RAB7A: variants seen among roughly 807,000 people sequenced by gnomAD.
The protein encoded by RAB7A is ras-related protein Rab-7a.
RAB7A carries 2 observed loss-of-function variants against 24.5 expected under a neutral mutation model. The observed-to-expected ratio is 0.08, with a 90% confidence interval of 0.03 to 0.26. The LOEUF (loss-of-function observed/expected upper bound fraction) is 0.26. Ranked by LOEUF, RAB7A falls within the 10% of genes least tolerant of loss-of-function variation. RAB7A has a pLI of 1.00. For missense variants in RAB7A, 118 were observed against 255.7 expected, an observed-to-expected ratio of 0.46 and a Z score of 3.67; for synonymous variants, 100 against 95.9, an observed-to-expected ratio of 1.04 and a Z score of -0.25.
At chr3:128,745,706 A>G (rs1013655975) in intron 1 of RAB7A, among the ~76,000 whole-genome samples, 5 of 152,246 alleles carry the variant, frequency 3.3e-5, no homozygotes, top group African/African-American at 1.2e-4. Flanking sequence ...AGAGCAGGGA[A>G]GGGGAGAAGT....
At chr3:128,778,604 GT>G (rs1247210902) in intron 1 of RAB7A, among the ~76,000 whole-genome samples, 1 of 152,196 alleles carries the variant, frequency 6.6e-6, no homozygotes, top group Non-Finnish European at 1.5e-5. Context: ...AACTGAGAAA[GT>G]TTTTGGAGTT....
intron 1 of RAB7A, among the ~76,000 whole-genome samples, chr3:128,767,084 A>C (rs2070839027): frequency 6.6e-6 from 1 of 151,968 alleles, no homozygotes; most frequent in Non-Finnish European, 1.5e-5. Flanking sequence ...CTTCATGCCT[A>C]GTGCCTGATC....
At chr3:128,789,545 CTGGTCTCGAACTCT>C (rs1559793257) in intron 1 of RAB7A, among the ~76,000 whole-genome samples, 1 of 151,956 alleles carries the variant, frequency 6.6e-6, no homozygotes, top group Non-Finnish European at 1.5e-5. Context: ...GTTGGCCAGG[CTGGTCTCGAACTCT>C]TGACCTCAAG....
intron 3 of RAB7A, among the ~76,000 whole-genome samples, chr3:128,805,585 T>G (rs1031025384): frequency 6.6e-6 from 1 of 152,198 alleles, no homozygotes; most frequent in Non-Finnish European, 1.5e-5. Context: ...AGTTTTTCAT[T>G]TGTTTTGTTT....
intron 1 of RAB7A, among the ~76,000 whole-genome samples, chr3:128,736,108 G>A (rs1471965054): frequency 1.7e-4 from 26 of 151,710 alleles, no homozygotes. Context: ...TTTCATAGAG[G>A]TTGTTACCTT....
chr3:128,790,184 C>CTTA (rs1933426929), intron 1 of RAB7A, among the ~76,000 whole-genome samples: 1 of 152,198 alleles, frequency 6.6e-6, no homozygotes, highest in African/African-American at 2.4e-5. Context: ...CAGTTTAAAG[C>CTTA]CATCAATGTC....
intron 1 of RAB7A, among the ~76,000 whole-genome samples, chr3:128,793,679 G>A (rs139818374): frequency 0.012 from 1,818 of 152,284 alleles, 33 homozygotes; most frequent in African/African-American, 0.039. Context: ...GGGGAATAGT[G>A]GGGCTCCACA....
intron 1 of RAB7A, chr3:128,764,542 A>T: frequency 1.8e-6 from 2 of 1,126,910 alleles, no homozygotes; most frequent in Non-Finnish European, 2.7e-6. Context: ...GGGGGCTCCC[A>T]TCTTGTGCAA....
chr3:128,731,317 T>C (rs76193577), intron 1 of RAB7A, among the ~76,000 whole-genome samples: 2,096 of 152,298 alleles, frequency 0.014, 45 homozygotes, highest in African/African-American at 0.048. Flanking sequence ...ATATGTGGTA[T>C]TCAGTCAGCC....
At chr3:128,758,830 C>T (rs1015670918) in intron 1 of RAB7A, among the ~76,000 whole-genome samples, 1 of 152,068 alleles carries the variant, frequency 6.6e-6, no homozygotes, top group African/African-American at 2.4e-5. Flanking sequence ...GGCCATCCCA[C>T]GAATAGCTGT....
intron 1 of RAB7A, among the ~76,000 whole-genome samples, chr3:128,773,890 C>T (rs1010611788): frequency 3.5e-4 from 53 of 151,842 alleles, no homozygotes; most frequent in African/African-American, 1.1e-3. Flanking sequence ...CAGCATGCTC[C>T]TTAAGAGTCA....
At chr3:128,764,522 A>T in intron 1 of RAB7A, 1 of 875,274 alleles carries the variant, frequency 1.1e-6, no homozygotes, top group Admixed American at 1.7e-5. Flanking sequence ...TATTCTGCCA[A>T]GCCAGATTCG....
intron 1 of RAB7A, among the ~76,000 whole-genome samples, chr3:128,753,539 C>A (rs887806382): frequency 2.0e-5 from 3 of 152,102 alleles, no homozygotes; most frequent in Non-Finnish European, 4.4e-5. Flanking sequence ...GCTGCTATAA[C>A]AAAATACCTT....
At chr3:128,775,663 G>T (rs924279542) in intron 1 of RAB7A, among the ~76,000 whole-genome samples, 5 of 152,132 alleles carry the variant, frequency 3.3e-5, no homozygotes, top group Admixed American at 1.3e-4. Flanking sequence ...TTTTACTTTG[G>T]GATGTTGTTG....
chr3:128,737,695 T>TAC (rs770628044), intron 1 of RAB7A, among the ~76,000 whole-genome samples: 25 of 150,632 alleles, frequency 1.7e-4, no homozygotes, highest in Admixed American at 8.6e-4. Context: ...TCACTCAGGC[T>TAC]ACAGTACAGT....
intron 1 of RAB7A, among the ~76,000 whole-genome samples, chr3:128,745,346 A>G (rs1473750958): frequency 6.6e-6 from 1 of 151,970 alleles, no homozygotes; most frequent in South Asian, 2.1e-4. Flanking sequence ...TGGAAGAAAC[A>G]GTAGTTTATT....
intron 1 of RAB7A, among the ~76,000 whole-genome samples, chr3:128,779,565 GAA>G (rs1262231894): frequency 2.4e-5 from 3 of 126,756 alleles, no homozygotes; most frequent in Non-Finnish European, 4.8e-5. Flanking sequence ...TTGTAGCAGA[GAA>G]AGAGTTGTGT....
At chr3:128,763,208 A>ATATATTT (rs373993932) in intron 1 of RAB7A, among the ~76,000 whole-genome samples, 14 of 76,060 alleles carry the variant, frequency 1.8e-4, no homozygotes, top group African/African-American at 5.7e-4. Flanking sequence ...ATATATATAT[A>ATATATTT]TTTTTTTTTT....
chr3:128,774,729 C>T lies in RAB7A; in HGVS notation c.-8-20631C>T, dbSNP rs563399905. 7.6e-4 allele frequency among the ~76,000 whole-genome samples: 116 copies of T among 152,280 alleles called. 1 individual carries two copies. The highest frequency in any genetic ancestry group is 2.7e-3 in the African/African-American group (111 of 41,548). On this transcript the variant is annotated intron_variant, in intron 1 of 5. Coordinates refer to ENST00000265062, the MANE Select transcript of RAB7A (RefSeq NM_004637.6). The stretch of plus-strand genomic sequence containing the variant: ...CTGGGACCACAGGCGCCCGCCACCA[C>T]GCCCAGCTAATTTTTTGTATTTTTA...
Sources: allele counts gnomAD v4.1 joint callset (sites outside exome capture counted in the v4.1 genomes callset), GRCh38; gene constraint gnomAD v4.1.1; transcripts MANE v1.5; gene names NCBI Gene and HGNC (gene_info 2026-07-23, HGNC 2026-07-21).